RNF144A: variants seen among roughly 807,000 people sequenced by gnomAD.
RNF144A encodes E3 ubiquitin-protein ligase RNF144A.
Under a neutral mutation model 38.7 loss-of-function variants are expected in RNF144A, and 11 were observed. The ratio of observed to expected loss-of-function variants is 0.28; its 90% confidence interval spans 0.18 to 0.47. RNF144A has a LOEUF of 0.47. Among genes scored for constraint, RNF144A ranks in the 20% least tolerant of loss-of-function variants. The pLI is 0.99. For synonymous variants in RNF144A, 149 were observed against 143.9 expected, an observed-to-expected ratio of 1.04 and a Z score of -0.25; for missense variants, 316 against 377.2, an observed-to-expected ratio of 0.84 and a Z score of 1.34.
intron 1 of RNF144A, among the ~76,000 whole-genome samples, chr2:6,932,746 C>G (rs936703953): frequency 1.3e-5 from 2 of 152,140 alleles, no homozygotes; most frequent in South Asian, 4.1e-4. Context: ...CAGAATTAGC[C>G]AAATGCCTTT....
At chr2:7,036,561 TAC>T (rs1672691854) in intron 8 of RNF144A, among the ~76,000 whole-genome samples, 2 of 152,220 alleles carry the variant, frequency 1.3e-5, no homozygotes, top group South Asian at 4.1e-4. Flanking sequence ...CTCTTGTACT[TAC>T]ACCAGGATGC....
chr2:7,029,794 A>G (rs1474513256), intron 7 of RNF144A, among the ~76,000 whole-genome samples: 4 of 152,128 alleles, frequency 2.6e-5, no homozygotes, highest in Non-Finnish European at 5.9e-5. Flanking sequence ...TCCCCATGAG[A>G]TCCCTTCTTT....
chr2:7,011,936 C>T (rs1334712133), intron 3 of RNF144A, among the ~76,000 whole-genome samples: 2 of 152,214 alleles, frequency 1.3e-5, no homozygotes, highest in Non-Finnish European at 2.9e-5. Context: ...CCTGATGACA[C>T]ATGATGTTCA....
chr2:6,986,452 G>C (rs181894729), intron 2 of RNF144A, among the ~76,000 whole-genome samples: 2 of 152,104 alleles, frequency 1.3e-5, no homozygotes, highest in Non-Finnish European at 2.9e-5. Flanking sequence ...CTGCCCCCTT[G>C]TTGAGCTGGC....
intron 3 of RNF144A, among the ~76,000 whole-genome samples, chr2:7,003,509 G>A (rs758728668): frequency 2.6e-5 from 4 of 152,212 alleles, no homozygotes; most frequent in Non-Finnish European, 5.9e-5. Context: ...ATTGCCTACG[G>A]TATTCAGTAC....
At position 6,943,021 on chromosome 2, in the gene RNF144A, T is replaced by C. The variant is rs917703931; in HGVS notation, c.-12+1874T>C. 6.6e-6 allele frequency among the ~76,000 whole-genome samples: 1 copy of C among 152,160 alleles called. No individual in the cohort carries two copies. The highest frequency in any genetic ancestry group is 1.5e-5 in the Non-Finnish European group (1 of 68,034). The stretch of plus-strand genomic sequence containing the variant: ...GAGATTCAAAGTTCAGTTTTGAACT[T>C]GCTGAGTGTGAGAAGATTATAAGCC... On this transcript the variant is annotated intron_variant, in intron 2 of 8. Coordinates refer to ENST00000320892, the MANE Select transcript of RNF144A (RefSeq NM_014746.6). The surrounding 1 kb of genome is among the most constrained non-coding windows in gnomAD (Gnocchi z 4.3).
chr2:7,034,691 A>G (rs1221644218), intron 8 of RNF144A, among the ~76,000 whole-genome samples: 6 of 152,252 alleles, frequency 3.9e-5, no homozygotes, highest in African/African-American at 1.4e-4. Context: ...TTATTTCTTG[A>G]TAATTCAACA....
intron 6 of RNF144A, among the ~76,000 whole-genome samples, chr2:7,061,167 C>T (rs1673938444): frequency 6.6e-6 from 1 of 152,208 alleles, no homozygotes; most frequent in African/African-American, 2.4e-5. Flanking sequence ...ACCTGAGCTT[C>T]ACCATCAGGT....
chr2:6,998,059 C>T (rs1669872058), intron 3 of RNF144A, among the ~76,000 whole-genome samples: 1 of 151,782 alleles, frequency 6.6e-6, no homozygotes, highest in South Asian at 2.1e-4. Flanking sequence ...ACATTGTTCA[C>T]TTGAAGTATA....
At position 6,930,783 on chromosome 2, in the gene RNF144A, G is replaced by T. The variant is rs1431293289; in HGVS notation, c.-211-10165G>T. Among the ~76,000 whole-genome samples, 6 of 152,062 alleles carry T rather than the reference G, an allele frequency of 3.9e-5. No homozygotes were observed. The South Asian group carries it at 6.2e-4, about 16-fold the overall frequency. The stretch of plus-strand genomic sequence containing the variant: ...ATTTTTATATTTTTTTTGTAGAGGG[G>T]GGGATTTGCCATGTTGCCCGGGCTG... On this transcript the variant is annotated intron_variant, in intron 1 of 8. Coordinates refer to ENST00000320892, the MANE Select transcript of RNF144A (RefSeq NM_014746.6).
intron 2 of RNF144A, among the ~76,000 whole-genome samples, chr2:6,984,591 C>T (rs547311816): frequency 4.7e-4 from 72 of 152,340 alleles, no homozygotes; most frequent in African/African-American, 1.7e-3. Flanking sequence ...CGTGAGCCAC[C>T]GCACTCGGCC....
At chr2:6,985,010 T>C (rs1038315952) in intron 2 of RNF144A, among the ~76,000 whole-genome samples, 5 of 152,228 alleles carry the variant, frequency 3.3e-5, no homozygotes, top group Non-Finnish European at 7.3e-5. Flanking sequence ...TTTCAGTGTT[T>C]CCCATGCTCT....
intron 1 of RNF144A, among the ~76,000 whole-genome samples, chr2:6,922,295 C>T (rs1664587813): frequency 6.6e-6 from 1 of 152,126 alleles, no homozygotes; most frequent in African/African-American, 2.4e-5. Context: ...GCCGTGCAGG[C>T]TCTGGGGGCT....
chr2:6,927,728 A>G (rs918537847), intron 1 of RNF144A, among the ~76,000 whole-genome samples: 1 of 152,224 alleles, frequency 6.6e-6, no homozygotes, highest in African/African-American at 2.4e-5. Flanking sequence ...CCCAGTCATA[A>G]TTGTTATATA....
intron 6 of RNF144A, among the ~76,000 whole-genome samples, chr2:7,021,844 C>T (rs549550472): frequency 1.3e-5 from 2 of 152,370 alleles, no homozygotes; most frequent in South Asian, 2.1e-4. Flanking sequence ...ATCTTAGGGG[C>T]TTCAAAACTT....
At chr2:7,001,727 G>A (rs151155238) in intron 3 of RNF144A, among the ~76,000 whole-genome samples, 10 of 152,194 alleles carry the variant, frequency 6.6e-5, no homozygotes, top group East Asian at 1.9e-4. Flanking sequence ...AATCTTTCCC[G>A]TGCAATGCAT....
chr2:7,066,793 A>G (rs1467051306), intron 6 of RNF144A, among the ~76,000 whole-genome samples: 1 of 152,192 alleles, frequency 6.6e-6, no homozygotes, highest in Admixed American at 6.5e-5. Flanking sequence ...TGGCAGGCCT[A>G]GGAACCCCAG....
At chr2:7,031,739 G>C (rs765260746) in intron 8 of RNF144A, among the ~76,000 whole-genome samples, 11 of 152,246 alleles carry the variant, frequency 7.2e-5, no homozygotes, top group Non-Finnish European at 1.6e-4. Flanking sequence ...CTTAAATGCC[G>C]ACCACGTGGC....
intron 2 of RNF144A, among the ~76,000 whole-genome samples, chr2:6,979,112 G>A (rs1668478961): frequency 6.6e-6 from 1 of 152,166 alleles, no homozygotes; most frequent in South Asian, 2.1e-4. Flanking sequence ...AATAGTGGGC[G>A]AGGGGCTGGG....
Sources: allele counts gnomAD v4.1 joint callset (sites outside exome capture counted in the v4.1 genomes callset), GRCh38; gene constraint gnomAD v4.1.1; non-coding constraint Gnocchi (gnomAD v3.1); transcripts MANE v1.5; gene names NCBI Gene and HGNC (gene_info 2026-07-23, HGNC 2026-07-21).